GRM7: variants seen among roughly 807,000 people sequenced by gnomAD.
GRM7 encodes the protein glutamate metabotropic receptor 7, also known as metabotropic glutamate receptor 7.
Under a neutral mutation model 84.5 loss-of-function variants are expected in GRM7, and 35 were observed. The ratio of observed to expected loss-of-function variants is 0.41; its 90% CI spans 0.32 to 0.55. GRM7 has a LOEUF of 0.55. GRM7 is among the 20% of genes least tolerant of loss of function. The probability of loss-of-function intolerance (pLI) is 0.19; values close to 1 mark genes in which losing one functional copy is unlikely to be tolerated. For missense variants in GRM7, 1,003 were observed against 1,194.6 expected (o/e 0.84, Z 2.36); for synonymous variants, 487 against 455.1 (o/e 1.07, Z -0.89).
rs141231618 is a variant in GRM7 at position 7,410,016 on chromosome 3, G to C, written c.1034-5007G>C. Among the ~76,000 whole-genome samples, 649 of 152,294 alleles carry C rather than the reference G, an allele frequency of 4.3e-3. 2 individuals are homozygous for C. Among genetic ancestry groups the C allele is most frequent in the Admixed American group, 6.2e-3 (95 of 15,298 alleles). ...AATTGCCTCAACAGCACATGAGAGAGATGCATTTCTCAGTGGTGGGAAGCT... is the reference window on the plus strand; with the variant it reads ...AATTGCCTCAACAGCACATGAGAGACATGCATTTCTCAGTGGTGGGAAGCT... On this transcript the variant is annotated intron_variant, in intron 4 of 9. Coordinates refer to ENST00000357716, the MANE Select transcript of GRM7 (RefSeq NM_000844.4).
At chr3:6,986,593 C>T (rs1247874275) in intron 1 of GRM7, among the ~76,000 whole-genome samples, 3 of 152,150 alleles carry the variant, frequency 2.0e-5, no homozygotes, top group African/African-American at 7.2e-5. Flanking sequence ...TTGGAATTAA[C>T]TGTGATGATT....
chr3:6,993,048 G>T (rs1694702491), intron 1 of GRM7, among the ~76,000 whole-genome samples: 1 of 152,208 alleles, frequency 6.6e-6, no homozygotes, highest in Non-Finnish European at 1.5e-5. Context: ...AGCATGGCTG[G>T]GGAAGCCTCA....
At position 7,579,086 on chromosome 3, in the gene GRM7, A is replaced by C. The variant is rs146912842; in HGVS notation, c.2180A>C (p.Asn727Thr). The C allele has an allele frequency of 2.5e-6, 4 of 1,614,016 alleles. No individual in the cohort carries two copies. The South Asian group carries it at 4.4e-5, about 18-fold the overall frequency. ...ATTTGGTTTGGTGTTGATCCACCCA[A>C]CATCATCATAGACTATGATGAACAC... is the stretch of plus-strand genomic sequence containing the variant. ...VFIWFGVDPP[N>T]IIIDYDEHKT... Residue 727 changes from asparagine to threonine, a missense_variant, in exon 8 of 10, where the codon AAC becomes ACC. Coordinates refer to ENST00000357716, the MANE Select transcript of GRM7 (RefSeq NM_000844.4).
intron 4 of GRM7, among the ~76,000 whole-genome samples, chr3:7,364,759 C>G (rs1384549729): frequency 6.6e-6 from 1 of 151,728 alleles, no homozygotes; most frequent in Non-Finnish European, 1.5e-5. Context: ...TCACTGAGTT[C>G]CAAATTTCAC....
intron 8 of GRM7, among the ~76,000 whole-genome samples, chr3:7,624,557 TTGTAA>T (rs1427647129): frequency 5.9e-5 from 9 of 152,114 alleles, no homozygotes; most frequent in Non-Finnish European, 8.8e-5. Flanking sequence ...CACTACAAAA[TTGTAA>T]TGTAATGGCA....
At chr3:7,470,530 T>G (rs575794502) in intron 7 of GRM7, among the ~76,000 whole-genome samples, 1 of 152,304 alleles carries the variant, frequency 6.6e-6, no homozygotes, top group East Asian at 1.9e-4. Context: ...TCTGCAAGAT[T>G]AATAATATTT....
chr3:7,029,513 A>G (rs1696112027), intron 1 of GRM7, among the ~76,000 whole-genome samples: 1 of 152,202 alleles, frequency 6.6e-6, no homozygotes, highest in Admixed American at 6.5e-5. Flanking sequence ...GCAATGAAAT[A>G]TTCTTCTGTC....
intron 1 of GRM7, among the ~76,000 whole-genome samples, chr3:6,880,641 G>T (rs1695474603): frequency 6.6e-6 from 1 of 150,546 alleles, no homozygotes; most frequent in African/African-American, 2.4e-5. Flanking sequence ...AAATCTGTTT[G>T]ATATCACCCC....
intron 4 of GRM7, among the ~76,000 whole-genome samples, chr3:7,333,358 C>T (rs1701283348): frequency 6.6e-6 from 1 of 152,184 alleles, no homozygotes; most frequent in Admixed American, 6.5e-5. Context: ...GGTAGCCCCA[C>T]TGTAGGGCTA....
chr3:7,543,854 A>G (rs1693015116), intron 7 of GRM7, among the ~76,000 whole-genome samples: 1 of 152,202 alleles, frequency 6.6e-6, no homozygotes, highest in African/African-American at 2.4e-5. Context: ...TTTAAATGAG[A>G]GGCACAGTTT....
At chr3:7,635,774 A>G (rs1698067588) in intron 8 of GRM7, among the ~76,000 whole-genome samples, 1 of 152,162 alleles carries the variant, frequency 6.6e-6, no homozygotes, top group African/African-American at 2.4e-5. Context: ...TGGGGACTCA[A>G]GCGATCTTCC....
At chr3:7,373,145 A>G (rs1694209811) in intron 4 of GRM7, among the ~76,000 whole-genome samples, 1 of 152,162 alleles carries the variant, frequency 6.6e-6, no homozygotes, top group African/African-American at 2.4e-5. Flanking sequence ...AGCTACCACT[A>G]TCTGCTTAAT....
At chr3:6,892,926 G>A (rs942622902) in intron 1 of GRM7, 5 of 152,108 alleles carry the variant, frequency 3.3e-5, no homozygotes, top group Admixed American at 3.3e-4. Flanking sequence ...AGGTGTGCAT[G>A]GCCCAGGGAT....
At chr3:7,055,565 G>C (rs1264247568) in intron 1 of GRM7, among the ~76,000 whole-genome samples, 1 of 150,482 alleles carries the variant, frequency 6.6e-6, no homozygotes, top group Non-Finnish European at 1.5e-5. Flanking sequence ...CTGTCACCCA[G>C]GCTGGAGTGC....
chr3:7,663,445 A>T (rs1699549510), intron 8 of GRM7, among the ~76,000 whole-genome samples: 1 of 152,164 alleles, frequency 6.6e-6, no homozygotes, highest in Admixed American at 6.5e-5. Context: ...CAGCTGGTGA[A>T]CTTTCCAGCA....
chr3:7,056,081 G>C (rs1697209325), intron 1 of GRM7, among the ~76,000 whole-genome samples: 1 of 151,990 alleles, frequency 6.6e-6, no homozygotes, highest in South Asian at 2.1e-4. Flanking sequence ...AACACAGGCA[G>C]TAATAAGATA....
intron 5 of GRM7, among the ~76,000 whole-genome samples, chr3:7,437,713 C>T (rs13071860): frequency 5.3e-5 from 8 of 151,952 alleles, no homozygotes; most frequent in African/African-American, 1.9e-4. Context: ...TCTTTCTCTT[C>T]GTGTGTTCCC....
intron 4 of GRM7, among the ~76,000 whole-genome samples, chr3:7,317,841 A>C (rs555761127): frequency 6.6e-6 from 1 of 152,184 alleles, no homozygotes; most frequent in Non-Finnish European, 1.5e-5. Flanking sequence ...GGGAATAAAG[A>C]GAAGGAATTA....
chr3:7,394,304 T>C (rs1695120957), intron 4 of GRM7, among the ~76,000 whole-genome samples: 1 of 152,190 alleles, frequency 6.6e-6, no homozygotes, highest in Non-Finnish European at 1.5e-5. Flanking sequence ...CAGCATTTCT[T>C]CTGCTCGTTC....
Sources: gnomAD v4.1 joint callset for allele counts (sites outside exome capture counted in the v4.1 genomes callset) on GRCh38, gnomAD v4.1.1 for gene constraint, MANE v1.5 for transcripts, NCBI Gene and HGNC (gene_info 2026-07-23, HGNC 2026-07-21) for gene names.